Variants in TENM3 observed in about 807,000 individuals in gnomAD.
The protein encoded by TENM3 is teneurin transmembrane protein 3, also known as teneurin-3.
In TENM3, 63 loss-of-function variants were observed where a neutral mutation model predicts 255.1. That is an observed-to-expected ratio of 0.25 (90% CI 0.20 to 0.30). The LOEUF (loss-of-function observed/expected upper bound fraction) is 0.30. TENM3 is among the 10% of genes least tolerant of loss of function. The pLI, the probability that TENM3 is intolerant of heterozygous loss-of-function variation, is 1.00. For synonymous variants in TENM3, 1,306 were observed against 1,322.3 expected (o/e 0.99, Z 0.27); for missense variants, 2,929 against 3,461.1 (o/e 0.85, Z 3.86).
At chr4:182,152,422 T>C (rs1750408961) in intron 1 of TENM3, among the ~76,000 whole-genome samples, 1 of 151,958 alleles carries the variant, frequency 6.6e-6, no homozygotes, top group South Asian at 2.1e-4. Flanking sequence ...AAACCAGAAA[T>C]GAGTCCTTAC....
At chr4:181,715,139 A>G in the TENM3 span, among the ~76,000 whole-genome samples, 7 of 152,222 alleles carry the variant, frequency 4.6e-5, no homozygotes, top group Admixed American at 4.6e-4. Context: ...TTTGAGAACC[A>G]CTACTGTATA....
At chr4:182,073,037 TG>T in the TENM3 span, among the ~76,000 whole-genome samples, 2 of 152,200 alleles carry the variant, frequency 1.3e-5, no homozygotes, top group African/African-American at 2.4e-5. Context: ...GTTCTCACAC[TG>T]CTATAAAGAA....
chr4:182,761,613 C>CACTT lies in TENM3; in HGVS notation c.4892+6356_4892+6359dup, dbSNP rs534630749. On this transcript the variant is annotated intron_variant, in intron 22 of 27. Coordinates refer to ENST00000511685, the MANE Select transcript of TENM3 (RefSeq NM_001080477.4). ...AAGTATATATGTATACACACACACA[C>CACTT]ACTTATACACACACACATATATATC... Among the ~76,000 whole-genome samples, 28 of 152,218 alleles carry CACTT rather than the reference C, an allele frequency of 1.8e-4. No individual in the cohort carries two copies. The East Asian group carries it at 5.0e-3, about 27-fold the overall frequency.
At chr4:181,758,428 G>T in the TENM3 span, among the ~76,000 whole-genome samples, 1 of 152,138 alleles carries the variant, frequency 6.6e-6, no homozygotes, top group East Asian at 1.9e-4. Context: ...AGGGGATGCA[G>T]ATCAGAGCCT....
intron 6 of TENM3, among the ~76,000 whole-genome samples, chr4:182,654,401 T>C (rs753452692): frequency 1.3e-5 from 2 of 152,206 alleles, no homozygotes; most frequent in South Asian, 2.1e-4. Context: ...TGAAATCAAT[T>C]GGCTCTGAAT....
the TENM3 span, among the ~76,000 whole-genome samples, chr4:181,952,101 G>A: frequency 3.9e-5 from 6 of 152,278 alleles, no homozygotes; most frequent in African/African-American, 1.4e-4. Flanking sequence ...CGTGAATAAA[G>A]CAAGCTTTTA....
At chr4:182,344,993 G>A (rs1764713408) in intron 2 of TENM3, among the ~76,000 whole-genome samples, 1 of 152,130 alleles carries the variant, frequency 6.6e-6, no homozygotes, top group Non-Finnish European at 1.5e-5. Flanking sequence ...ACGCACAGGC[G>A]CTTTTTCCTT....
chr4:181,741,197 T>C, the TENM3 span, among the ~76,000 whole-genome samples: 2 of 152,244 alleles, frequency 1.3e-5, no homozygotes, highest in African/African-American at 4.8e-5. Context: ...ATTTCTGTTT[T>C]AAAAAGTTAT....
the TENM3 span, among the ~76,000 whole-genome samples, chr4:181,553,543 G>C: frequency 3.2e-4 from 49 of 151,896 alleles, no homozygotes; most frequent in East Asian, 7.2e-3. Flanking sequence ...CCGGGTTCAC[G>C]TCATTCTCCT....
At chr4:182,457,138 T>C (rs981030724) in intron 3 of TENM3, among the ~76,000 whole-genome samples, 6 of 151,446 alleles carry the variant, frequency 4.0e-5, no homozygotes, top group Non-Finnish European at 8.8e-5. Flanking sequence ...TGAGCCGAGA[T>C]TGTGCCACTG....
chr4:182,011,982 C>T, the TENM3 span, among the ~76,000 whole-genome samples: 101 of 152,194 alleles, frequency 6.6e-4, no homozygotes, highest in African/African-American at 2.4e-3. Context: ...CATGGAGAGA[C>T]CTAGATAGAG....
chr4:181,467,915 C>A, the TENM3 span, among the ~76,000 whole-genome samples: 2 of 151,968 alleles, frequency 1.3e-5, no homozygotes, highest in Non-Finnish European at 2.9e-5. Flanking sequence ...AAAGATTTTC[C>A]AGAATAAAAA....
At position 182,751,860 on chromosome 4, in the gene TENM3, T is replaced by G. The variant is rs759955799; in HGVS notation, c.3690T>G (p.Val1230=). 1.2e-5 allele frequency: 20 copies of G among 1,613,936 alleles called. No individual in the cohort carries two copies. In the South Asian group the frequency reaches 2.2e-4, roughly 18 times the overall value. ...ATDPVTGDLY[V]SDTNTRRIYR... ...ATCCAGTCACGGGAGATCTGTACGT[T>G]TCTGACACAAACACCCGCAGAATTT... The change falls in exon 20 of 28, where the codon GTT becomes GTG. Residue 1230 remains valine, a synonymous_variant. Coordinates refer to ENST00000511685, the MANE Select transcript of TENM3 (RefSeq NM_001080477.4).
chr4:182,276,897 C>G (rs2150246846), intron 1 of TENM3, among the ~76,000 whole-genome samples: 1 of 152,304 alleles, frequency 6.6e-6, no homozygotes, highest in African/African-American at 2.4e-5. Flanking sequence ...GTGTTGTAAA[C>G]ACTGAACTCA....
At chr4:182,470,030 G>C (rs976440924) in intron 3 of TENM3, among the ~76,000 whole-genome samples, 5 of 152,156 alleles carry the variant, frequency 3.3e-5, no homozygotes, top group African/African-American at 1.2e-4. Flanking sequence ...CATAGAGTTA[G>C]AAAGAATCCC....
At position 182,600,910 on chromosome 4, in the gene TENM3, T is replaced by C; in HGVS notation, c.512-14T>C. The C allele has an allele frequency of 7.9e-7, 1 of 1,260,922 alleles. No homozygotes were observed. The highest frequency in any genetic ancestry group is 1.1e-6 in the Non-Finnish European group (1 of 942,282). The allele number at this position is 1,260,922 out of a possible 1,614,324, so 78.1% of individuals were successfully genotyped here. A position where few individuals can be genotyped will look rare whatever the true frequency, so the allele number is the denominator to read the frequency against. On this transcript the variant is annotated splice_polypyrimidine_tract_variant and intron_variant, in intron 3 of 27. Transcript: ENST00000511685. ...TGAGTTCTCTTTCTTTTTTTTTTTT[T>C]TTTTTTTTTTCAGAGCAACCTGCAA... is the stretch of plus-strand genomic sequence containing the variant.
At chr4:182,059,751 AAAAAAAAAAAAG>A in the TENM3 span, among the ~76,000 whole-genome samples, 1 of 133,858 alleles carries the variant, frequency 7.5e-6, no homozygotes, top group African/African-American at 3.7e-5. Context: ...TCTACAAAAA[AAAAAAAAAAAAG>A]AAAAAAAAAA....
the TENM3 span, among the ~76,000 whole-genome samples, chr4:182,091,791 G>T: frequency 6.6e-6 from 1 of 152,136 alleles, no homozygotes; most frequent in Non-Finnish European, 1.5e-5. Flanking sequence ...CCAATTTCAC[G>T]GGAGCGTGAG....
At chr4:182,608,853 T>C (rs1479547566) in intron 4 of TENM3, among the ~76,000 whole-genome samples, 1 of 151,980 alleles carries the variant, frequency 6.6e-6, no homozygotes, top group Non-Finnish European at 1.5e-5. Context: ...ACCATGGCCA[T>C]GAAAGGAGCT....
Sources: gnomAD v4.1 joint callset for allele counts (sites outside exome capture counted in the v4.1 genomes callset) on GRCh38, gnomAD v4.1.1 for gene constraint, MANE v1.5 for transcripts, NCBI Gene and HGNC (gene_info 2026-07-23, HGNC 2026-07-21) for gene names.